REEP3: variants seen among roughly 807,000 people sequenced by gnomAD.
REEP3 encodes the protein receptor expression-enhancing protein 3.
A neutral mutation model predicts 41.3 loss-of-function variants in REEP3; 20 were observed. That is an observed-to-expected ratio of 0.48 (90% confidence interval 0.34 to 0.70). The LOEUF is 0.70. Ranked by LOEUF, REEP3 falls within the 30% of genes least tolerant of loss-of-function variation. REEP3 has a pLI of 0.01. For missense variants in REEP3, 271 were observed against 308.8 expected, an observed-to-expected ratio of 0.88 and a Z score of 0.92; for synonymous variants, 104 against 101.8, an observed-to-expected ratio of 1.02 and a Z score of -0.13.
chr10:63,593,773 A>G (rs1043739118), intron 2 of REEP3, among the ~76,000 whole-genome samples: 6 of 152,228 alleles, frequency 3.9e-5, no homozygotes, highest in Admixed American at 3.3e-4. Flanking sequence ...GCAGAGTGCC[A>G]GGGACCATTC....
intron 1 of REEP3, among the ~76,000 whole-genome samples, chr10:63,538,493 G>T (rs1311836653): frequency 6.6e-6 from 1 of 152,136 alleles, no homozygotes; most frequent in African/African-American, 2.4e-5. Flanking sequence ...TGGCACTTTG[G>T]GAGGCCAAGG....
At chr10:63,531,997 A>G (rs1955425254) in intron 1 of REEP3, among the ~76,000 whole-genome samples, 1 of 152,254 alleles carries the variant, frequency 6.6e-6, no homozygotes, top group South Asian at 2.1e-4. Context: ...CTGATATAGT[A>G]CACTTTGCAA....
intron 1 of REEP3, among the ~76,000 whole-genome samples, chr10:63,558,184 G>A (rs1023309417): frequency 6.6e-6 from 1 of 152,180 alleles, no homozygotes; most frequent in Non-Finnish European, 1.5e-5. Flanking sequence ...AATCAAGTTA[G>A]AATAACATCA....
intron 7 of REEP3, 129 bp downstream of exon 7, chr10:63,619,929 T>TC: frequency 1.1e-6 from 1 of 915,638 alleles, no homozygotes; most frequent in East Asian, 2.7e-5. Flanking sequence ...TTTTTTTTTT[T>TC]TTTTTTTTTT....
chr10:63,570,508 T>G (rs1955842803), intron 2 of REEP3, among the ~76,000 whole-genome samples: 1 of 152,218 alleles, frequency 6.6e-6, no homozygotes. Context: ...TAAATTTGTG[T>G]CATGGGGGTG....
chr10:63,567,801 T>G (rs971956943), intron 2 of REEP3, among the ~76,000 whole-genome samples: 8 of 152,030 alleles, frequency 5.3e-5, no homozygotes, highest in Non-Finnish European at 7.4e-5. Context: ...TCAGGGTTTT[T>G]GGGGGGTGGG....
chr10:63,542,932 G>A (rs1323598644), intron 1 of REEP3, among the ~76,000 whole-genome samples: 1 of 152,128 alleles, frequency 6.6e-6, no homozygotes, highest in Non-Finnish European at 1.5e-5. Context: ...TATCATCAGA[G>A]TAGCATCGTG....
intron 2 of REEP3, among the ~76,000 whole-genome samples, chr10:63,568,460 G>A (rs1449158452): frequency 1.3e-5 from 2 of 151,574 alleles, no homozygotes; most frequent in African/African-American, 4.8e-5. Context: ...ATACAGATGG[G>A]GTTTCACCGT....
intron 6 of REEP3, among the ~76,000 whole-genome samples, chr10:63,616,538 AT>A (rs1329214764): frequency 6.6e-6 from 1 of 152,056 alleles, no homozygotes; most frequent in Non-Finnish European, 1.5e-5. Flanking sequence ...AGCTAATAAG[AT>A]TTTTTTTAGC....
intron 5 of REEP3, among the ~76,000 whole-genome samples, chr10:63,601,862 A>G (rs888681775): frequency 6.6e-6 from 1 of 152,276 alleles, no homozygotes; most frequent in Non-Finnish European, 1.5e-5. Context: ...TGGAGGTTGC[A>G]GTGAGCCAAG....
chr10:63,549,705 C>G (rs557479365), intron 1 of REEP3, among the ~76,000 whole-genome samples: 18 of 152,092 alleles, frequency 1.2e-4, no homozygotes, highest in Non-Finnish European at 2.9e-5. Flanking sequence ...TCTGAAACCA[C>G]CATATATGTT....
At chr10:63,572,623 T>C (rs1380240023) in intron 2 of REEP3, among the ~76,000 whole-genome samples, 1 of 152,250 alleles carries the variant, frequency 6.6e-6, no homozygotes, top group Non-Finnish European at 1.5e-5. Flanking sequence ...TTCTTTGTTT[T>C]ATACATGGTA....
intron 2 of REEP3, among the ~76,000 whole-genome samples, chr10:63,578,188 C>T (rs1289944179): frequency 1.3e-5 from 2 of 152,182 alleles, no homozygotes; most frequent in African/African-American, 4.8e-5. Context: ...CAACCTCCAC[C>T]TCGCAGGTTC....
At chr10:63,523,403 A>G (rs1041116137) in intron 1 of REEP3, among the ~76,000 whole-genome samples, 1 of 152,288 alleles carries the variant, frequency 6.6e-6, no homozygotes, top group African/African-American at 2.4e-5. Flanking sequence ...GAGGCCAAGG[A>G]GGGAAGATTG....
At position 63,568,840 on chromosome 10, in the gene REEP3, T is replaced by A. The variant is rs1342158549; in HGVS notation, c.105+2430T>A. On this transcript the variant is annotated intron_variant, in intron 2 of 7. Coordinates refer to ENST00000373758, the MANE Select transcript of REEP3 (RefSeq NM_001001330.3). ...CCAGCTAATTTTTTTTTTTATTATT[T>A]TTTATAGAGACAGAGTCTTACTATG... Among the ~76,000 whole-genome samples the A allele has an allele frequency of 3.3e-5, 5 of 151,800 alleles. No individual in the cohort carries two copies. In the East Asian group the frequency reaches 9.7e-4, roughly 29 times the overall value.
intron 1 of REEP3, among the ~76,000 whole-genome samples, chr10:63,522,546 T>C (rs1023672951): frequency 6.6e-6 from 1 of 152,180 alleles, no homozygotes; most frequent in Admixed American, 6.5e-5. Flanking sequence ...TATTCACCTC[T>C]GTAGTAGTGT....
chr10:63,599,713 G>A, intron 5 of REEP3: 1 of 983,556 alleles, frequency 1.0e-6, no homozygotes, highest in Non-Finnish European at 1.2e-6. Context: ...TCAATTTGAG[G>A]TAACCGATTA....
At chr10:63,601,938 A>AAAAT (rs1023020901) in intron 5 of REEP3, among the ~76,000 whole-genome samples, 12 of 151,290 alleles carry the variant, frequency 7.9e-5, no homozygotes, top group Non-Finnish European at 1.6e-4. Flanking sequence ...TACTAATAAT[A>AAAAT]AAATAAATAA....
chr10:63,620,726 A>G lies in REEP3; in HGVS notation c.712-87A>G, dbSNP rs1589891851. On this transcript the variant is annotated intron_variant, in intron 7 of 7. Coordinates refer to ENST00000373758, the MANE Select transcript of REEP3 (RefSeq NM_001001330.3). ...ATTCTTTATATCAAAAAGGTAAAAAAATTACTATGATTATGAACTATTAAA... is the reference window on the plus strand; with the variant it reads ...ATTCTTTATATCAAAAAGGTAAAAAGATTACTATGATTATGAACTATTAAA... The G allele has an allele frequency of 4.6e-5, 38 of 827,616 alleles. No individual in the cohort carries two copies. The East Asian group carries it at 1.0e-3, about 23-fold the overall frequency. The allele number at this position is 827,616 out of a possible 1,614,324, so 51.3% of individuals were successfully genotyped here.
Sources: gnomAD v4.1 joint callset for allele counts (sites outside exome capture counted in the v4.1 genomes callset) on GRCh38, gnomAD v4.1.1 for gene constraint, MANE v1.5 for transcripts, NCBI Gene and HGNC (gene_info 2026-07-23, HGNC 2026-07-21) for gene names.